TAFA4: variants seen among roughly 807,000 people sequenced by gnomAD.
TAFA4 encodes the protein chemokine-like protein TAFA-4.
In TAFA4, 20 loss-of-function variants were observed where a neutral mutation model predicts 21.1. The ratio of observed to expected loss-of-function variants is 0.95; its 90% CI spans 0.67 to 1.38. TAFA4 has a LOEUF of 1.38. Ranked by LOEUF, TAFA4 falls within the 40% of genes most tolerant of loss-of-function variation. TAFA4 has a pLI of 0.00. For synonymous variants in TAFA4, 71 were observed against 67.4 expected (o/e 1.05, Z -0.26); for missense variants, 211 against 180.9 (o/e 1.17, Z -0.95).
At chr3:68,751,742 A>G (rs1256573989) in intron 4 of TAFA4, among the ~76,000 whole-genome samples, 2 of 152,176 alleles carry the variant, frequency 1.3e-5, no homozygotes, top group Non-Finnish European at 2.9e-5. Flanking sequence ...ATATTCATAC[A>G]TTTCACTGCA....
intron 3 of TAFA4, among the ~76,000 whole-genome samples, chr3:68,797,526 T>C (rs1269924837): frequency 6.9e-6 from 1 of 144,704 alleles, no homozygotes; most frequent in African/African-American, 2.6e-5. Flanking sequence ...GGCAGGAGAA[T>C]CACTTGAACC....
intron 3 of TAFA4, among the ~76,000 whole-genome samples, chr3:68,809,314 T>C (rs1287711066): frequency 6.6e-6 from 1 of 152,236 alleles, no homozygotes; most frequent in East Asian, 1.9e-4. Flanking sequence ...CCACCAGTTT[T>C]TAAATTTGGT....
chr3:68,850,530 G>A (rs1428284694), intron 3 of TAFA4, among the ~76,000 whole-genome samples: 1 of 152,118 alleles, frequency 6.6e-6, no homozygotes. Flanking sequence ...AAGCATTCCT[G>A]TATCTCTGCA....
chr3:68,792,536 T>A (rs998277653), intron 3 of TAFA4, among the ~76,000 whole-genome samples: 3 of 152,132 alleles, frequency 2.0e-5, no homozygotes, highest in African/African-American at 7.2e-5. Context: ...TTTCTAACAT[T>A]AGGATAGTAT....
chr3:68,844,250 G>A (rs572684743), intron 3 of TAFA4, among the ~76,000 whole-genome samples: 46 of 152,206 alleles, frequency 3.0e-4, no homozygotes, highest in Middle Eastern at 3.4e-3. Context: ...TCTTGGGAGG[G>A]TGTATGTGTC....
intron 3 of TAFA4, among the ~76,000 whole-genome samples, chr3:68,850,335 A>C (rs1704913627): frequency 6.6e-6 from 1 of 152,208 alleles, no homozygotes; most frequent in African/African-American, 2.4e-5. Context: ...GGGACACAGC[A>C]GGTAAATAAA....
At chr3:68,931,309 C>G (rs2090155088) in intron 1 of TAFA4, among the ~76,000 whole-genome samples, 1 of 151,846 alleles carries the variant, frequency 6.6e-6, no homozygotes, top group African/African-American at 2.4e-5. Context: ...GGATGGGCAC[C>G]AGGCTAGGTC....
At chr3:68,808,717 A>T (rs1478103211) in intron 3 of TAFA4, among the ~76,000 whole-genome samples, 1 of 152,250 alleles carries the variant, frequency 6.6e-6, no homozygotes, top group Non-Finnish European at 1.5e-5. Flanking sequence ...CCTAGAGATA[A>T]CAATTAAGTG....
At chr3:68,828,122 T>C (rs1025196714) in intron 3 of TAFA4, among the ~76,000 whole-genome samples, 2 of 152,258 alleles carry the variant, frequency 1.3e-5, no homozygotes, top group Admixed American at 1.3e-4. Context: ...CCAGCATTTA[T>C]TAAATAGGGA....
intron 3 of TAFA4, among the ~76,000 whole-genome samples, chr3:68,826,569 C>T (rs1334387747): frequency 3.5e-4 from 31 of 87,576 alleles, no homozygotes; most frequent in Admixed American, 2.0e-3. Flanking sequence ...CGAGACTCTG[C>T]CTCAAAAAAA....
At chr3:68,739,555 C>CAA (rs1422004039) in intron 4 of TAFA4, among the ~76,000 whole-genome samples, 1 of 152,050 alleles carries the variant, frequency 6.6e-6, no homozygotes, top group Non-Finnish European at 1.5e-5. Context: ...ACTGTTATAT[C>CAA]AAAAAGACAC....
At chr3:68,916,699 G>C (rs2090007767) in intron 1 of TAFA4, among the ~76,000 whole-genome samples, 1 of 152,166 alleles carries the variant, frequency 6.6e-6, no homozygotes, top group Non-Finnish European at 1.5e-5. Context: ...CAGCACCACA[G>C]AATCACCAGG....
At chr3:68,889,515 A>G (rs996962853) in intron 1 of TAFA4, among the ~76,000 whole-genome samples, 2 of 152,130 alleles carry the variant, frequency 1.3e-5, no homozygotes, top group African/African-American at 4.8e-5. Context: ...ACAGTCATTC[A>G]CTTGTAGATG....
In TAFA4 at chr3:68,907,436, G is replaced by A. The variant is rs376779366; in HGVS notation, c.-122-22126C>T. Among the ~76,000 whole-genome samples, 30 of 152,300 alleles carry A rather than the reference G, an allele frequency of 2.0e-4. No homozygotes were observed. The South Asian group carries it at 6.2e-3, about 32-fold the overall frequency. On this transcript the variant is annotated intron_variant, in intron 1 of 5. Transcript: ENST00000295569. ...AGGCTAGAATGAGCTGAACCCGGCAGAAAATGCAAAGAGCTACAAAAGGGC... is the reference window on the plus strand; with the variant it reads ...AGGCTAGAATGAGCTGAACCCGGCAAAAAATGCAAAGAGCTACAAAAGGGC...
intron 3 of TAFA4, among the ~76,000 whole-genome samples, chr3:68,865,844 C>A (rs1453848912): frequency 6.6e-6 from 1 of 152,084 alleles, no homozygotes; most frequent in Non-Finnish European, 1.5e-5. Flanking sequence ...CCTGAAACCA[C>A]AGACAGGTGA....
At chr3:68,873,840 C>T (rs1052816758) in intron 3 of TAFA4, among the ~76,000 whole-genome samples, 1 of 152,176 alleles carries the variant, frequency 6.6e-6, no homozygotes, top group Non-Finnish European at 1.5e-5. Context: ...CCTCTTGACT[C>T]CTTTATGCAC....
Position 68,821,251 on chromosome 3 carries a change from G to C in TAFA4, c.130+59479C>G, listed in dbSNP as rs113709785. Reference sequence around the variant, plus strand: ...TCACAGCTATTAGAGATAATCCTAAGATATAAACACAGCATCAAAACAACA... The same window carrying C: ...TCACAGCTATTAGAGATAATCCTAACATATAAACACAGCATCAAAACAACA... On this transcript the variant is annotated intron_variant, in intron 3 of 5. Transcript: ENST00000295569. Among the ~76,000 whole-genome samples the C allele has an allele frequency of 5.1e-3, 763 of 150,434 alleles. 6 individuals are homozygous for C. The highest frequency in any genetic ancestry group is 0.017 in the African/African-American group (717 of 41,000).
At chr3:68,915,252 T>C (rs1160056330) in intron 1 of TAFA4, among the ~76,000 whole-genome samples, 1 of 152,210 alleles carries the variant, frequency 6.6e-6, no homozygotes, top group Non-Finnish European at 1.5e-5. Flanking sequence ...GGACAAGCTC[T>C]GGCCCAATGG....
chr3:68,781,243 A>T (rs901216469), intron 3 of TAFA4, among the ~76,000 whole-genome samples: 2 of 147,254 alleles, frequency 1.4e-5, no homozygotes, highest in Middle Eastern at 3.2e-3. Context: ...AACTATATAA[A>T]GAAGAGCAAA....
Sources: allele counts gnomAD v4.1 joint callset (sites outside exome capture counted in the v4.1 genomes callset), GRCh38; gene constraint gnomAD v4.1.1; transcripts MANE v1.5; gene names NCBI Gene and HGNC (gene_info 2026-07-23, HGNC 2026-07-21).